COL25A1: variants seen among roughly 807,000 people sequenced by gnomAD.
COL25A1 encodes the protein collagen type XXV alpha 1 chain, also known as collagen alpha-1(XXV) chain.
COL25A1 carries 103 observed loss-of-function variants against 128.4 expected under a neutral mutation model. The observed-to-expected ratio is 0.80, with a 90% CI of 0.68 to 0.94. The LOEUF (loss-of-function observed/expected upper bound fraction) is 0.94, where lower values mean the gene tolerates loss of function less well. COL25A1 is among the 40% of genes least tolerant of loss of function. The pLI is 0.00. For missense variants in COL25A1, 745 were observed against 840.0 expected (o/e 0.89, Z 1.40); for synonymous variants, 279 against 277.2 (o/e 1.01, Z -0.06).
At chr4:109,081,832 C>T (rs1307975610) in intron 3 of COL25A1, among the ~76,000 whole-genome samples, 1 of 151,860 alleles carries the variant, frequency 6.6e-6, no homozygotes, top group African/African-American at 2.4e-5. Flanking sequence ...GCCTTCTGAG[C>T]AGCTGGGATT....
chr4:109,018,351 A>G (rs1321876551), intron 5 of COL25A1, among the ~76,000 whole-genome samples: 2 of 152,112 alleles, frequency 1.3e-5, no homozygotes, highest in Admixed American at 6.5e-5. Context: ...CAGTCTCCCA[A>G]GTAGCTGGGA....
At chr4:109,039,402 C>T (rs1759654826) in intron 5 of COL25A1, among the ~76,000 whole-genome samples, 1 of 152,276 alleles carries the variant, frequency 6.6e-6, no homozygotes, top group African/African-American at 2.4e-5. Flanking sequence ...TTATTTCATA[C>T]ACCACTTCCC....
chr4:108,983,541 G>A (rs780230362), intron 6 of COL25A1, among the ~76,000 whole-genome samples: 4 of 152,180 alleles, frequency 2.6e-5, no homozygotes, highest in South Asian at 2.1e-4. Context: ...GTAGTATTGT[G>A]TCCAGAATTG....
At chr4:108,846,971 T>C (rs1038199415) in intron 27 of COL25A1, among the ~76,000 whole-genome samples, 7 of 150,186 alleles carry the variant, frequency 4.7e-5, no homozygotes, top group Admixed American at 1.3e-4. Context: ...AATGGTGCGA[T>C]CTTGGCTCAC....
intron 3 of COL25A1, among the ~76,000 whole-genome samples, chr4:109,272,901 G>A (rs186499375): frequency 6.6e-6 from 1 of 152,170 alleles, no homozygotes; most frequent in Non-Finnish European, 1.5e-5. Context: ...GGCCTCCATG[G>A]CTGGGTATTA....
At chr4:108,889,379 C>A in intron 17 of COL25A1, 123 bp from the exon 18 acceptor site, 1 of 867,896 alleles carries the variant, frequency 1.2e-6, no homozygotes, top group Non-Finnish European at 1.8e-6. Context: ...TCTTTTATTT[C>A]CTTTATCCTG....
intron 27 of COL25A1, among the ~76,000 whole-genome samples, chr4:108,846,625 C>T (rs961607402): frequency 1.1e-4 from 16 of 152,254 alleles, no homozygotes; most frequent in African/African-American, 3.9e-4. Context: ...AAATTTCTCT[C>T]ATCTCTACCC....
intron 3 of COL25A1, among the ~76,000 whole-genome samples, chr4:109,255,633 TTTTAAAA>T (rs1781022714): frequency 6.7e-6 from 1 of 149,264 alleles, no homozygotes; most frequent in African/African-American, 2.5e-5. Flanking sequence ...ACTAGACTCT[TTTTAAAA>T]ACCTCTTTCC....
At chr4:108,906,268 A>G (rs1244762488) in intron 13 of COL25A1, among the ~76,000 whole-genome samples, 1 of 151,842 alleles carries the variant, frequency 6.6e-6, no homozygotes, top group African/African-American at 2.4e-5. Context: ...TCCAGTGTGG[A>G]AAGCAGCCAC....
At chr4:109,243,294 C>T (rs2126233594) in intron 3 of COL25A1, among the ~76,000 whole-genome samples, 1 of 152,080 alleles carries the variant, frequency 6.6e-6, no homozygotes, top group Non-Finnish European at 1.5e-5. Flanking sequence ...TCAGTATACA[C>T]AGAAGAAATG....
chr4:108,861,593 C>T (rs1412500440), intron 22 of COL25A1, among the ~76,000 whole-genome samples: 2 of 152,174 alleles, frequency 1.3e-5, no homozygotes, highest in Admixed American at 6.5e-5. Context: ...ACCCAGCTCT[C>T]TCTCTTTTTT....
chr4:109,076,407 T>A (rs903907693), intron 3 of COL25A1, among the ~76,000 whole-genome samples: 6 of 152,214 alleles, frequency 3.9e-5, no homozygotes, highest in African/African-American at 1.4e-4. Flanking sequence ...TTAATCAATT[T>A]ATCACTTATC....
In COL25A1 at chr4:109,032,022, G is replaced by A. The variant is rs77216335; in HGVS notation, c.420+16146C>T. ...GCTTATCTCTTCTATTAAACTGCAT[G>A]CTCCTTGAACAGCTAACACTTATGG... On this transcript the variant is annotated intron_variant, in intron 5 of 37. Transcript: ENST00000399132. Among the ~76,000 whole-genome samples the A allele has an allele frequency of 5.5e-4, 84 of 152,198 alleles. No individual in the cohort carries two copies. In the East Asian group the frequency reaches 0.014, roughly 26 times the overall value.
chr4:108,940,915 T>C (rs1411885165), intron 9 of COL25A1, among the ~76,000 whole-genome samples: 1 of 152,200 alleles, frequency 6.6e-6, no homozygotes, highest in Non-Finnish European at 1.5e-5. Context: ...ATGTTACCAC[T>C]ATAGTCAGAG....
At chr4:109,301,010 A>C (rs560890162) in intron 2 of COL25A1, among the ~76,000 whole-genome samples, 1 of 152,300 alleles carries the variant, frequency 6.6e-6, no homozygotes, top group Non-Finnish European at 1.5e-5. Context: ...TTATACATGA[A>C]GGTCAACTGC....
intron 6 of COL25A1, among the ~76,000 whole-genome samples, chr4:108,993,703 T>C (rs573574090): frequency 1.3e-5 from 2 of 151,900 alleles, no homozygotes; most frequent in East Asian, 3.9e-4. Context: ...CTACTAAAAA[T>C]ACAAAAATTA....
intron 3 of COL25A1, among the ~76,000 whole-genome samples, chr4:109,154,044 A>T (rs1458602888): frequency 6.6e-6 from 1 of 152,236 alleles, no homozygotes; most frequent in Non-Finnish European, 1.5e-5. Flanking sequence ...GTAGCAACAA[A>T]ATTAAAAAAT....
chr4:109,144,676 T>A (rs1376238087), intron 3 of COL25A1, among the ~76,000 whole-genome samples: 1 of 152,220 alleles, frequency 6.6e-6, no homozygotes, highest in Non-Finnish European at 1.5e-5. Context: ...CAGAAAAGTA[T>A]TCCATTTACC....
At chr4:108,938,659 A>G (rs1747719658) in intron 10 of COL25A1, among the ~76,000 whole-genome samples, 1 of 152,202 alleles carries the variant, frequency 6.6e-6, no homozygotes, top group Non-Finnish European at 1.5e-5. Context: ...GATCGAGACC[A>G]TCTTGGCTAA....
Sources: allele counts gnomAD v4.1 joint callset (sites outside exome capture counted in the v4.1 genomes callset), GRCh38; gene constraint gnomAD v4.1.1; transcripts MANE v1.5; gene names NCBI Gene and HGNC (gene_info 2026-07-23, HGNC 2026-07-21).